Variants in PRKG2 observed in about 807,000 individuals in gnomAD.
PRKG2 encodes the protein cGMP-dependent protein kinase 2.
In PRKG2, 33 loss-of-function variants were observed where a neutral mutation model predicts 97.2. That is an observed-to-expected ratio of 0.34 (90% CI 0.26 to 0.45). PRKG2 has a LOEUF of 0.45. PRKG2 is among the 20% of genes least tolerant of loss of function. PRKG2 has a pLI of 1.00. For synonymous variants in PRKG2, 330 were observed against 321.8 expected (o/e 1.03, Z -0.27); for missense variants, 638 against 900.0 (o/e 0.71, Z 3.73).
chr4:81,149,983 G>A (rs1232833367), intron 8 of PRKG2, among the ~76,000 whole-genome samples: 1 of 152,122 alleles, frequency 6.6e-6, no homozygotes, highest in Non-Finnish European at 1.5e-5. Context: ...TCCCTCCCAA[G>A]TTTACAGGGT....
chr4:81,140,751 C>G, intron 11 of PRKG2, 82 bp from the exon 12 acceptor site: 1 of 1,274,014 alleles, frequency 7.8e-7, no homozygotes, highest in Non-Finnish European at 1.1e-6. Flanking sequence ...AAAACTGTTT[C>G]ATGTTTAATT....
chr4:81,141,069 G>A (rs1250572775), intron 11 of PRKG2, among the ~76,000 whole-genome samples: 1 of 151,920 alleles, frequency 6.6e-6, no homozygotes, highest in African/African-American at 2.4e-5. Flanking sequence ...AGAATGCAGT[G>A]GTGCAATCAG....
chr4:81,206,573 C>T (rs752924806), intron 1 of PRKG2, among the ~76,000 whole-genome samples: 1 of 152,098 alleles, frequency 6.6e-6, no homozygotes, highest in Non-Finnish European at 1.5e-5. Flanking sequence ...AACATGAGAA[C>T]AGACTAATAC....
At chr4:81,189,383 A>C (rs115080382) in intron 2 of PRKG2, among the ~76,000 whole-genome samples, 22,821 of 129,824 alleles carry the variant, frequency 0.18, 5,155 homozygotes, top group African/African-American at 0.29. Flanking sequence ...AACACACACA[A>C]AAAAAAAGAA....
At chr4:81,101,496 C>T (rs1440508503) in intron 17 of PRKG2, among the ~76,000 whole-genome samples, 2 of 142,614 alleles carry the variant, frequency 1.4e-5, no homozygotes, top group East Asian at 4.1e-4. Context: ...TGTTCTCACT[C>T]ATAGATGGGA....
intron 17 of PRKG2, among the ~76,000 whole-genome samples, chr4:81,094,438 A>G (rs1741914259): frequency 6.6e-6 from 1 of 152,106 alleles, no homozygotes; most frequent in Non-Finnish European, 1.5e-5. Context: ...TTGTTTTTTA[A>G]TTCTAAGAAT....
chr4:81,138,398 G>C (rs1243753291), intron 12 of PRKG2, among the ~76,000 whole-genome samples: 2 of 152,146 alleles, frequency 1.3e-5, no homozygotes, highest in Non-Finnish European at 2.9e-5. Flanking sequence ...AAGCAATCAG[G>C]TAAAGTGGTT....
chr4:81,117,914 T>C (rs1371878859), intron 14 of PRKG2, among the ~76,000 whole-genome samples: 1 of 152,190 alleles, frequency 6.6e-6, no homozygotes, highest in Non-Finnish European at 1.5e-5. Context: ...TGGACACATG[T>C]ATATGGACAG....
chr4:81,203,595 T>G (rs555485170), intron 2 of PRKG2, among the ~76,000 whole-genome samples: 1 of 152,286 alleles, frequency 6.6e-6, no homozygotes, highest in South Asian at 2.1e-4. Flanking sequence ...AGATTTAATT[T>G]CAATTAATAA....
At chr4:81,188,808 G>A (rs1281446871) in intron 2 of PRKG2, among the ~76,000 whole-genome samples, 2 of 96,554 alleles carry the variant, frequency 2.1e-5, no homozygotes, top group Non-Finnish European at 3.4e-5. Flanking sequence ...TCACTCATAG[G>A]TGGGAATTGA....
chr4:81,146,626 G>A (rs2110048641), intron 9 of PRKG2, among the ~76,000 whole-genome samples: 1 of 152,170 alleles, frequency 6.6e-6, no homozygotes, highest in African/African-American at 2.4e-5. Flanking sequence ...TTGCAAGGAT[G>A]GTGCCCTGTA....
chr4:81,162,596 A>G (rs1424449915), intron 6 of PRKG2, among the ~76,000 whole-genome samples: 1 of 152,184 alleles, frequency 6.6e-6, no homozygotes, highest in Non-Finnish European at 1.5e-5. Context: ...CTTCTGTTTT[A>G]TTTAAGCAAT....
At chr4:81,146,412 A>G (rs539790921) in intron 9 of PRKG2, among the ~76,000 whole-genome samples, 51 of 152,298 alleles carry the variant, frequency 3.3e-4, no homozygotes, top group Admixed American at 2.9e-3. Flanking sequence ...TCAGTGATAG[A>G]GATGTGACAA....
chr4:81,217,037 ATATATATATATATATATGTG>A (rs1486777036), upstream of PRKG2, among the ~76,000 whole-genome samples: 9 of 139,456 alleles, frequency 6.5e-5, 1 homozygote, highest in East Asian at 1.2e-3. Context: ...TTTTGTATAT[ATATATATATATATATATGTG>A]TATATATATA....
intron 14 of PRKG2, among the ~76,000 whole-genome samples, chr4:81,127,894 T>A (rs1242912339): frequency 3.3e-5 from 5 of 152,244 alleles, no homozygotes; most frequent in Non-Finnish European, 7.3e-5. Context: ...ACAGAAGGCA[T>A]CCTTGTCTTC....
intron 1 of PRKG2, among the ~76,000 whole-genome samples, chr4:81,208,349 G>C (rs1363597390): frequency 6.6e-6 from 1 of 152,126 alleles, no homozygotes; most frequent in African/African-American, 2.4e-5. Flanking sequence ...TAGGTGTGAA[G>C]AAAACCCAGA....
intron 2 of PRKG2, among the ~76,000 whole-genome samples, chr4:81,191,424 G>A (rs1387103528): frequency 1.3e-5 from 2 of 151,838 alleles, no homozygotes; most frequent in African/African-American, 4.8e-5. Flanking sequence ...CATACACTGG[G>A]GCCTGTCAGG....
chr4:81,126,661 C>T (rs1745605111), intron 14 of PRKG2, among the ~76,000 whole-genome samples: 1 of 152,116 alleles, frequency 6.6e-6, no homozygotes, highest in African/African-American at 2.4e-5. Flanking sequence ...GTTTTTTGCA[C>T]ACATAAATGT....
chr4:81,210,277 G>A (rs1433886718), intron 1 of PRKG2, among the ~76,000 whole-genome samples: 12 of 149,488 alleles, frequency 8.0e-5, no homozygotes, highest in Non-Finnish European at 1.5e-4. Context: ...AAAAAAAAAA[G>A]AAGAAAATGA....
Sources: allele counts gnomAD v4.1 joint callset (sites outside exome capture counted in the v4.1 genomes callset), GRCh38; gene constraint gnomAD v4.1.1; transcripts MANE v1.5; gene names NCBI Gene and HGNC (gene_info 2026-07-23, HGNC 2026-07-21).